The following GPHN variants were observed in gnomAD, a reference collection of about 807,000 sequenced individuals.
GPHN encodes the protein gephyrin.
Under a neutral mutation model 95.5 loss-of-function variants are expected in GPHN, and 17 were observed. That is an observed-to-expected ratio of 0.18 (90% CI 0.12 to 0.27). GPHN has a LOEUF of 0.27. Among genes scored for constraint, GPHN ranks in the 10% least tolerant of loss-of-function variants. The pLI, the probability that GPHN is intolerant of heterozygous loss-of-function variation, is 1.00. For missense variants in GPHN, 660 were observed against 978.1 expected (o/e 0.67, Z 4.34); for synonymous variants, 320 against 322.5 (o/e 0.99, Z 0.08).
chr14:67,127,736 C>T (rs948577692), intron 17 of GPHN, among the ~76,000 whole-genome samples: 1 of 152,166 alleles, frequency 6.6e-6, no homozygotes, highest in Non-Finnish European at 1.5e-5. Context: ...ATTGATCTTA[C>T]TTTTGAAGAA....
At chr14:66,646,321 A>G (rs761303334) in intron 1 of GPHN, among the ~76,000 whole-genome samples, 6 of 152,166 alleles carry the variant, frequency 3.9e-5, no homozygotes, top group Non-Finnish European at 8.8e-5. Context: ...TCCTGAAATA[A>G]CAAATGTTGG....
chr14:67,685,315 GC>G, the GPHN span: 1 of 796,416 alleles, frequency 1.3e-6, no homozygotes, highest in Non-Finnish European at 2.0e-6. Context: ...GGACTCTTTT[GC>G]CCATGGTGAC....
chr14:66,667,786 A>G (rs2153382091), intron 1 of GPHN, among the ~76,000 whole-genome samples: 1 of 152,364 alleles, frequency 6.6e-6, no homozygotes, highest in Middle Eastern at 3.4e-3. Context: ...TTACAGTCAA[A>G]CCAAAAATTG....
chr14:67,586,127 C>T, the GPHN span: 9 of 1,611,442 alleles, frequency 5.6e-6, no homozygotes, highest in Middle Eastern at 1.7e-4. Context: ...AAACGTTCTA[C>T]TCTGGCAAGA....
intron 1 of GPHN, among the ~76,000 whole-genome samples, chr14:66,549,891 A>G (rs2059750477): frequency 2.0e-5 from 3 of 152,238 alleles, no homozygotes. Context: ...GAATGATGGC[A>G]CATTTGTTTA....
At chr14:67,083,567 C>T (rs1234852728) in intron 11 of GPHN, among the ~76,000 whole-genome samples, 1 of 152,128 alleles carries the variant, frequency 6.6e-6, no homozygotes. Flanking sequence ...TTCTTTATAG[C>T]AGTGCAAGAA....
intron 1 of GPHN, among the ~76,000 whole-genome samples, chr14:66,581,387 C>T (rs10143934): frequency 4.6e-5 from 7 of 151,538 alleles, no homozygotes; most frequent in Non-Finnish European, 1.0e-4. Context: ...ATCACTATAA[C>T]GAAAAACTAT....
chr14:67,577,005 C>T, the GPHN span, among the ~76,000 whole-genome samples: 17 of 152,158 alleles, frequency 1.1e-4, no homozygotes, highest in African/African-American at 4.1e-4. Context: ...TCCATCCAGA[C>T]TTGACACAGT....
intron 4 of GPHN, among the ~76,000 whole-genome samples, chr14:66,870,502 C>A (rs1197635837): frequency 6.6e-6 from 1 of 152,148 alleles, no homozygotes; most frequent in African/African-American, 2.4e-5. Context: ...TTGATTGAAT[C>A]CACAGATGTT....
chr14:67,391,344 G>C, the GPHN span, among the ~76,000 whole-genome samples: 1 of 149,880 alleles, frequency 6.7e-6, no homozygotes, highest in African/African-American at 2.5e-5. Flanking sequence ...GCTAAGGTTA[G>C]ATCACAAACC....
the GPHN span, chr14:67,376,660 G>A: frequency 5.9e-6 from 9 of 1,516,126 alleles, no homozygotes; most frequent in East Asian, 2.0e-4. Context: ...TAACAGCATA[G>A]CATCCATGTA....
In GPHN at chr14:67,122,350, C is replaced by T. The variant is rs1258839255; in HGVS notation, c.1721C>T (p.Thr574Met). The T allele has an allele frequency of 3.7e-6, 6 of 1,612,416 alleles. No homozygotes were observed. The highest frequency in any genetic ancestry group is 5.1e-6 in the Non-Finnish European group (6 of 1,178,652). Reference protein sequence around the residue: ...LATIQEHGYPTINLGIVGDNP... With the variant: ...LATIQEHGYPMINLGIVGDNP... ...ACAATTCAGGAACATGGTTACCCCACGATCAACTTGGGTATTGTAGGAGAC... is the reference window on the plus strand; with the variant it reads ...ACAATTCAGGAACATGGTTACCCCATGATCAACTTGGGTATTGTAGGAGAC... The change falls in exon 17 of 23, where the codon ACG becomes ATG. Residue 574 changes from threonine (T) to methionine (M), a missense_variant. By Grantham distance (81) the Thr-to-Met change is moderately conservative. Around this residue, in one of 6 missense-constraint regions of GPHN, gnomAD observed 257 missense variants for 376.2 expected, o/e 0.68. Coordinates refer to ENST00000478722, the MANE Select transcript of GPHN (RefSeq NM_020806.5).
the GPHN span, among the ~76,000 whole-genome samples, chr14:67,469,182 TC>T: frequency 5.9e-5 from 9 of 152,164 alleles, no homozygotes; most frequent in Non-Finnish European, 1.5e-5. Flanking sequence ...CAGAGGGCCC[TC>T]CCGATGATTT....
chr14:67,731,455 TC>T, the GPHN span, among the ~76,000 whole-genome samples: 1 of 151,986 alleles, frequency 6.6e-6, no homozygotes, highest in East Asian at 1.9e-4. Context: ...CCTCAAGTGA[TC>T]CGCCCACCTC....
the GPHN span, among the ~76,000 whole-genome samples, chr14:67,683,793 A>T: frequency 6.6e-6 from 1 of 152,098 alleles, no homozygotes; most frequent in Non-Finnish European, 1.5e-5. Flanking sequence ...TTCCCTTTCA[A>T]CCTAGGGGTC....
chr14:66,986,031 C>T (rs909520380), intron 9 of GPHN, among the ~76,000 whole-genome samples: 2 of 151,974 alleles, frequency 1.3e-5, no homozygotes, highest in Admixed American at 1.3e-4. Flanking sequence ...TAGAATAAAC[C>T]GTTCCTCTGA....
rs375067938 is a variant in GPHN at position 66,615,514 on chromosome 14, T to C, written c.65-65593T>C. On this transcript the variant is annotated intron_variant, in intron 1 of 22. Coordinates refer to ENST00000478722, the MANE Select transcript of GPHN (RefSeq NM_020806.5). Reference sequence around the variant, plus strand: ...TGTATGTTTGTTGGCCATGTAAATGTCTTCTTTTGAGAAGTGTCTGTTCAT... The same window carrying C: ...TGTATGTTTGTTGGCCATGTAAATGCCTTCTTTTGAGAAGTGTCTGTTCAT... 5.9e-5 allele frequency among the ~76,000 whole-genome samples: 9 copies of C among 151,612 alleles called. 1 individual carries two copies. Among genetic ancestry groups the C allele is most frequent in the East Asian group, 5.8e-4 (3 of 5,162 alleles).
intron 10 of GPHN, among the ~76,000 whole-genome samples, chr14:67,047,678 A>G (rs1192047543): frequency 6.6e-6 from 1 of 152,012 alleles, no homozygotes; most frequent in Non-Finnish European, 1.5e-5. Flanking sequence ...TTTCCTTTTC[A>G]TTTTAAAAAT....
At chr14:67,107,048 C>T (rs2078080384) in intron 13 of GPHN, among the ~76,000 whole-genome samples, 1 of 151,652 alleles carries the variant, frequency 6.6e-6, no homozygotes, top group Non-Finnish European at 1.5e-5. Flanking sequence ...ATGGTGTAGT[C>T]TCCTTGCAGC....
Sources: allele counts gnomAD v4.1 joint callset (sites outside exome capture counted in the v4.1 genomes callset), GRCh38; gene constraint gnomAD v4.1.1; regional missense constraint gnomAD v4.1.1; transcripts MANE v1.5; gene names NCBI Gene and HGNC (gene_info 2026-07-23, HGNC 2026-07-21).